The following SEC63 variants were observed in gnomAD, a reference collection of about 807,000 sequenced individuals.
The protein encoded by SEC63 is translocation protein SEC63 homolog.
SEC63 carries 56 observed loss-of-function variants against 116.2 expected under a neutral mutation model. The observed-to-expected ratio is 0.48, with a 90% CI of 0.39 to 0.60. The LOEUF is 0.60. Among genes scored for constraint, SEC63 ranks in the 20% least tolerant of loss-of-function variants. SEC63 has a pLI of 0.00. For missense variants in SEC63, 668 were observed against 900.0 expected, an observed-to-expected ratio of 0.74 and a Z score of 3.30; for synonymous variants, 273 against 294.6, an observed-to-expected ratio of 0.93 and a Z score of 0.75.
At chr6:107,953,434 G>T (rs980609676) in intron 1 of SEC63, among the ~76,000 whole-genome samples, 3 of 151,542 alleles carry the variant, frequency 2.0e-5, no homozygotes, top group Non-Finnish European at 4.4e-5. Context: ...GCCCCGTCCG[G>T]GAGGTGAGGG....
In SEC63 at chr6:107,942,338, C is replaced by G. The variant is rs151260495; in HGVS notation, c.125-12824G>C. Among the ~76,000 whole-genome samples the G allele has an allele frequency of 3.0e-3, 451 of 152,326 alleles. 3 individuals carry two copies. The highest frequency in any genetic ancestry group is 0.01 in the African/African-American group (429 of 41,574). ...AGCCAGTATTAAAGCCGATTTGATT[C>G]CTCTGTACTGAAGTTCAAGGGCAGA... is the stretch of plus-strand genomic sequence containing the variant. On this transcript the variant is annotated intron_variant, in intron 1 of 20. Transcript: ENST00000369002.
At chr6:107,897,885 C>T (rs887702309) in intron 13 of SEC63, among the ~76,000 whole-genome samples, 154 bp from the exon 14 acceptor site, 1 of 152,180 alleles carries the variant, frequency 6.6e-6, no homozygotes, top group African/African-American at 2.4e-5. Flanking sequence ...TGATTGACTA[C>T]TCTGTATAAG....
chr6:107,937,520 A>G (rs1770282584), intron 1 of SEC63, among the ~76,000 whole-genome samples: 1 of 152,166 alleles, frequency 6.6e-6, no homozygotes, highest in African/African-American at 2.4e-5. Context: ...ACATGGGTGC[A>G]CGTCTTTTTG....
At chr6:107,893,313 G>A (rs576789057) in intron 16 of SEC63, among the ~76,000 whole-genome samples, 169 bp downstream of exon 16, 1 of 152,306 alleles carries the variant, frequency 6.6e-6, no homozygotes, top group South Asian at 2.1e-4. Flanking sequence ...GTAGAGGGAT[G>A]GGGAGATGGA....
At chr6:107,923,269 G>A (rs182402223) in intron 3 of SEC63, among the ~76,000 whole-genome samples, 2 of 152,092 alleles carry the variant, frequency 1.3e-5, no homozygotes, top group Admixed American at 6.6e-5. Context: ...GTGTCACCAC[G>A]TTCAGCTAAT....
At chr6:107,917,600 C>G (rs1482438283) in intron 4 of SEC63, among the ~76,000 whole-genome samples, 1 of 152,188 alleles carries the variant, frequency 6.6e-6, no homozygotes, top group Non-Finnish European at 1.5e-5. Context: ...TTCAGAGCAA[C>G]AGCGCTTAAA....
chr6:107,951,134 CAAG>C (rs760183145), intron 1 of SEC63, among the ~76,000 whole-genome samples: 5 of 152,092 alleles, frequency 3.3e-5, no homozygotes, highest in Non-Finnish European at 7.4e-5. Flanking sequence ...TTAACAATTA[CAAG>C]AAAGCACAAA....
At chr6:107,951,287 T>C (rs1770572885) in intron 1 of SEC63, among the ~76,000 whole-genome samples, 1 of 152,286 alleles carries the variant, frequency 6.6e-6, no homozygotes, top group South Asian at 2.1e-4. Context: ...AGCACAATGG[T>C]AAATACTCTG....
chr6:107,950,302 G>A (rs569416026), intron 1 of SEC63, among the ~76,000 whole-genome samples: 94 of 152,184 alleles, frequency 6.2e-4, no homozygotes, highest in African/African-American at 2.2e-3. Context: ...GAACTGAAGA[G>A]AGAAACAGAC....
chr6:107,882,496 T>C (rs1207455425), intron 17 of SEC63, among the ~76,000 whole-genome samples: 3 of 152,218 alleles, frequency 2.0e-5, no homozygotes, highest in Non-Finnish European at 2.9e-5. Context: ...ATATATCTTA[T>C]ATACACCCAT....
At position 107,891,252 on chromosome 6, in the gene SEC63, C is replaced by T. The variant is rs993172050; in HGVS notation, c.1674+2230G>A. Among the ~76,000 whole-genome samples the T allele has an allele frequency of 3.3e-5, 5 of 152,082 alleles. No individual in the cohort carries two copies. The East Asian group carries it at 9.7e-4, about 29-fold the overall frequency. The stretch of plus-strand genomic sequence containing the variant: ...CACATAGTCCCACACTTCTTGCAGG[C>T]TTTGTTCGTTACTTTTCACTCTTTT... On this transcript the variant is annotated intron_variant, in intron 16 of 20. Transcript: ENST00000369002.
intron 4 of SEC63, among the ~76,000 whole-genome samples, chr6:107,916,907 T>C (rs1024148690): frequency 1.3e-5 from 2 of 152,168 alleles, no homozygotes; most frequent in Admixed American, 1.3e-4. Flanking sequence ...ATTGGGCAAA[T>C]TACTAACCCT....
intron 1 of SEC63, among the ~76,000 whole-genome samples, chr6:107,950,309 A>T (rs1041372066): frequency 6.6e-6 from 1 of 152,234 alleles, no homozygotes; most frequent in Admixed American, 6.5e-5. Context: ...AGAGAGAAAC[A>T]GACAGTGCTA....
At chr6:107,946,800 TCA>T (rs1770488954) in intron 1 of SEC63, among the ~76,000 whole-genome samples, 1 of 151,978 alleles carries the variant, frequency 6.6e-6, no homozygotes, top group Non-Finnish European at 1.5e-5. Flanking sequence ...GGTCAGGAGT[TCA>T]AGACCAGCCT....
At chr6:107,906,395 A>T (rs1787149422) in intron 10 of SEC63, 53 bp downstream of exon 10, 1 of 1,589,762 alleles carries the variant, frequency 6.3e-7, no homozygotes, top group Non-Finnish European at 8.6e-7. Context: ...AGTCTAATTA[A>T]TTCTGCTGCT....
intron 1 of SEC63, among the ~76,000 whole-genome samples, chr6:107,944,129 A>G (rs1385912370): frequency 6.6e-6 from 1 of 152,224 alleles, no homozygotes; most frequent in East Asian, 1.9e-4. Flanking sequence ...TGAGAAAGAG[A>G]TGAATCAAGA....
chr6:107,916,753 A>T (rs748118045), intron 4 of SEC63, among the ~76,000 whole-genome samples: 17 of 152,176 alleles, frequency 1.1e-4, no homozygotes, highest in Admixed American at 2.0e-4. Flanking sequence ...TTCTATTATC[A>T]TTGCGGGGCT....
intron 2 of SEC63, among the ~76,000 whole-genome samples, chr6:107,927,173 C>A (rs532878948): frequency 2.3e-4 from 35 of 152,284 alleles, no homozygotes; most frequent in Non-Finnish European, 4.0e-4. Context: ...AGCAATTCTC[C>A]TGCCTCAGCC....
rs573745763 is a variant in SEC63 at position 107,869,460 on chromosome 6, T to C, written c.*2244A>G. On this transcript the variant is annotated 3_prime_UTR_variant, in exon 21 of 21. Transcript: ENST00000369002. ...ACTGTATGATCTATAGGCTCATCAATTGTTGACAAAATGTCAGTTTCTTTA... is the reference window on the plus strand; with the variant it reads ...ACTGTATGATCTATAGGCTCATCAACTGTTGACAAAATGTCAGTTTCTTTA... 3.3e-5 allele frequency: 5 copies of C among 152,328 alleles called. No homozygotes were observed. The highest frequency in any genetic ancestry group is 1.2e-4 in the African/African-American group (5 of 41,578). The allele number at this position is 152,328 out of a possible 1,614,324, so 9.4% of individuals were successfully genotyped here.
Sources: allele counts gnomAD v4.1 joint callset (sites outside exome capture counted in the v4.1 genomes callset), GRCh38; gene constraint gnomAD v4.1.1; transcripts MANE v1.5; gene names NCBI Gene and HGNC (gene_info 2026-07-23, HGNC 2026-07-21).